GRM7: variants seen among roughly 807,000 people sequenced by gnomAD.
The protein encoded by GRM7 is glutamate metabotropic receptor 7, also known as metabotropic glutamate receptor 7.
A neutral mutation model predicts 84.5 loss-of-function variants in GRM7; 35 were observed. That is an observed-to-expected ratio of 0.41 (90% CI 0.32 to 0.55). The LOEUF is 0.55. GRM7 is among the 20% of genes least tolerant of loss of function. The pLI, the probability that GRM7 is intolerant of heterozygous loss-of-function variation, is 0.19. For missense variants in GRM7, 1,003 were observed against 1,194.6 expected (o/e 0.84, Z 2.36); for synonymous variants, 487 against 455.1 (o/e 1.07, Z -0.89).
At chr3:7,338,510 A>C (rs1277058788) in intron 4 of GRM7, among the ~76,000 whole-genome samples, 1 of 152,010 alleles carries the variant, frequency 6.6e-6, no homozygotes, top group Non-Finnish European at 1.5e-5. Flanking sequence ...ATAAAATAAA[A>C]ATTAAAAATA....
rs144159175 is a variant in GRM7 at position 7,337,952 on chromosome 3, C to T, written c.1033+31300C>T. ...TATATGAAAAAGACAGTTGCACATG[C>T]ATGTTTATAGTAGCAAAATTCATAA... On this transcript the variant is annotated intron_variant, in intron 4 of 9. Transcript: ENST00000357716. 7.2e-3 allele frequency among the ~76,000 whole-genome samples: 1,095 copies of T among 151,868 alleles called. 19 individuals are homozygous for T. Among genetic ancestry groups the T allele is most frequent in the African/African-American group, 0.026 (1,067 of 41,430 alleles).
chr3:7,163,701 G>A (rs1223061621), intron 2 of GRM7, among the ~76,000 whole-genome samples: 2 of 152,152 alleles, frequency 1.3e-5, no homozygotes, highest in African/African-American at 4.8e-5. Context: ...TGAATTAAAT[G>A]AGGAACTGAA....
chr3:7,006,666 G>T (rs1342350560), intron 1 of GRM7, among the ~76,000 whole-genome samples: 9 of 152,084 alleles, frequency 5.9e-5, no homozygotes, highest in Admixed American at 5.2e-4. Flanking sequence ...ACTGGGAGGA[G>T]AAATCAGAAA....
At chr3:6,984,332 G>A (rs1694319296) in intron 1 of GRM7, among the ~76,000 whole-genome samples, 1 of 152,074 alleles carries the variant, frequency 6.6e-6, no homozygotes, top group African/African-American at 2.4e-5. Flanking sequence ...CAAAAGTGTT[G>A]GGGAGAAGAA....
At chr3:7,328,733 G>T (rs1701079419) in intron 4 of GRM7, among the ~76,000 whole-genome samples, 1 of 152,102 alleles carries the variant, frequency 6.6e-6, no homozygotes, top group Admixed American at 6.6e-5. Context: ...GTAGCTAAAT[G>T]CATTCCTCTC....
chr3:6,970,151 C>G (rs1437119089), intron 1 of GRM7, among the ~76,000 whole-genome samples: 4 of 152,212 alleles, frequency 2.6e-5, no homozygotes, highest in African/African-American at 7.2e-5. Flanking sequence ...TGGTTCCCAG[C>G]CAAGAGTGAC....
intron 1 of GRM7, among the ~76,000 whole-genome samples, chr3:6,872,495 G>C (rs1377854307): frequency 6.6e-6 from 1 of 152,054 alleles, no homozygotes; most frequent in Admixed American, 6.5e-5. Context: ...TTAAGTGCTG[G>C]GATACATGTA....
intron 1 of GRM7, among the ~76,000 whole-genome samples, chr3:7,079,185 C>T (rs1204401928): frequency 2.6e-5 from 4 of 152,030 alleles, no homozygotes; most frequent in African/African-American, 9.7e-5. Flanking sequence ...AATTAGAATA[C>T]CTCTTTTTTC....
At chr3:7,449,512 C>A (rs1255786200) in intron 5 of GRM7, among the ~76,000 whole-genome samples, 1 of 152,052 alleles carries the variant, frequency 6.6e-6, no homozygotes, top group Non-Finnish European at 1.5e-5. Flanking sequence ...TCAGAAAAAT[C>A]TTTAAAAATC....
chr3:7,135,587 G>C (rs367760947), intron 1 of GRM7, among the ~76,000 whole-genome samples: 198 of 151,994 alleles, frequency 1.3e-3, no homozygotes, highest in Non-Finnish European at 2.1e-3. Flanking sequence ...AACCACATTC[G>C]CCTTCCAAAA....
intron 1 of GRM7, among the ~76,000 whole-genome samples, chr3:6,923,086 C>T (rs1398447733): frequency 6.6e-6 from 1 of 152,056 alleles, no homozygotes; most frequent in East Asian, 1.9e-4. Context: ...GGAATCTCGG[C>T]TCATTGCAAC....
In GRM7 at chr3:6,873,682, C is replaced by G. The variant is rs1695205794; in HGVS notation, c.519+11775C>G. Among the ~76,000 whole-genome samples the G allele has an allele frequency of 2.0e-5, 3 of 152,204 alleles. No individual in the cohort carries two copies. The South Asian group carries it at 6.2e-4, about 31-fold the overall frequency. ...GTATTTTCAGCATGCCAGGTACTGT[C>G]TTTCCTAGCCTTATTCCATTATCCC... On this transcript the variant is annotated intron_variant, in intron 1 of 9. Transcript: ENST00000357716.
chr3:6,910,344 A>T (rs1004003912), intron 1 of GRM7, among the ~76,000 whole-genome samples: 1 of 152,120 alleles, frequency 6.6e-6, no homozygotes, highest in African/African-American at 2.4e-5. Flanking sequence ...GGTGGAGGCA[A>T]ATGTAGTTCA....
intron 1 of GRM7, among the ~76,000 whole-genome samples, chr3:6,960,936 G>C (rs1185656994): frequency 6.6e-6 from 1 of 152,116 alleles, no homozygotes; most frequent in Non-Finnish European, 1.5e-5. Context: ...GGTTGTCATA[G>C]TTGTCTGCTA....
At chr3:7,490,815 A>C in intron 7 of GRM7, among the ~76,000 whole-genome samples, 1 of 152,160 alleles carries the variant, frequency 6.6e-6, no homozygotes, top group East Asian at 1.9e-4. Flanking sequence ...AGTATGAACA[A>C]GTATTTCAGA....
rs183580370 is a variant in GRM7 at position 7,649,606 on chromosome 3, C to T, written c.2452-30443C>T. ...ATATATGACAGTGTCACACATACCC[C>T]CTTGCTAACTTGCGTGAGTTGACTA... On this transcript the variant is annotated intron_variant, in intron 8 of 9. Transcript: ENST00000357716. Among the ~76,000 whole-genome samples the T allele has an allele frequency of 9.2e-5, 14 of 152,138 alleles. No individual in the cohort carries two copies. The East Asian group carries it at 2.3e-3, about 25-fold the overall frequency.
At chr3:6,892,252 C>G (rs898497228) in intron 1 of GRM7, among the ~76,000 whole-genome samples, 2 of 152,124 alleles carry the variant, frequency 1.3e-5, no homozygotes, top group African/African-American at 4.8e-5. Flanking sequence ...TATGAGGAAG[C>G]AAGGACCTCA....
At chr3:7,097,270 A>G (rs575420257) in intron 1 of GRM7, among the ~76,000 whole-genome samples, 1 of 152,240 alleles carries the variant, frequency 6.6e-6, no homozygotes, top group East Asian at 1.9e-4. Flanking sequence ...CATGTGTAAG[A>G]GGATATGAGA....
At chr3:6,958,383 A>G (rs1293508860) in intron 1 of GRM7, among the ~76,000 whole-genome samples, 1 of 152,150 alleles carries the variant, frequency 6.6e-6, no homozygotes, top group East Asian at 1.9e-4. Context: ...GCTGAATAGT[A>G]ATCTTCTGTG....
Sources: allele counts gnomAD v4.1 joint callset (sites outside exome capture counted in the v4.1 genomes callset), GRCh38; gene constraint gnomAD v4.1.1; transcripts MANE v1.5; gene names NCBI Gene and HGNC (gene_info 2026-07-23, HGNC 2026-07-21).